DNAH8: variants seen among roughly 807,000 people sequenced by gnomAD.
The protein encoded by DNAH8 is dynein axonemal heavy chain 8, also known as axonemal beta dynein heavy chain 8.
A neutral mutation model predicts 562.1 loss-of-function variants in DNAH8; 382 were observed. That is an observed-to-expected ratio of 0.68 (90% CI 0.63 to 0.74). The LOEUF (loss-of-function observed/expected upper bound fraction) is 0.74. DNAH8 is among the 30% of genes least tolerant of loss of function. The probability of loss-of-function intolerance (pLI) is 0.00; values close to 1 mark genes in which losing one functional copy is unlikely to be tolerated. For synonymous variants in DNAH8, 1,881 were observed against 1,919.4 expected (o/e 0.98, Z 0.52); for missense variants, 5,203 against 5,620.4 (o/e 0.93, Z 2.37).
chr6:39,018,459 G>A (rs1228077994), intron 91 of DNAH8, among the ~76,000 whole-genome samples: 3 of 152,124 alleles, frequency 2.0e-5, no homozygotes, highest in African/African-American at 4.8e-5. Context: ...AGCTCACTTT[G>A]TGTGCTCTTC....
At position 38,747,353 on chromosome 6, in the gene DNAH8, G is replaced by A. The variant is rs1182043152; in HGVS notation, c.1294-3123G>A. Reference sequence around the variant, plus strand: ...CCCAAATGGCTGGCTAATTTTCTGGGCACTGTTTGTCATTTTCTTTTTTTC... The same window carrying A: ...CCCAAATGGCTGGCTAATTTTCTGGACACTGTTTGTCATTTTCTTTTTTTC... On this transcript the variant is annotated intron_variant, in intron 8 of 92. Transcript: ENST00000327475. 2.0e-5 allele frequency among the ~76,000 whole-genome samples: 3 copies of A among 150,914 alleles called. No individual in the cohort carries two copies. The East Asian group carries it at 5.8e-4, about 29-fold the overall frequency.
Position 38,857,799 on chromosome 6 carries a change from T to G in DNAH8, c.5958+57T>G, listed in dbSNP as rs1776321619. Reference sequence around the variant, plus strand: ...TAACTAATAATGAACAGCTAAGAATTGTATATGTTGCCTAACTTACATGAA... The same window carrying G: ...TAACTAATAATGAACAGCTAAGAATGGTATATGTTGCCTAACTTACATGAA... On this transcript the variant is annotated intron_variant, in intron 42 of 92. Coordinates refer to ENST00000327475, the MANE Select transcript of DNAH8 (RefSeq NM_001206927.2). The G allele has an allele frequency of 8.2e-6, 9 of 1,103,482 alleles. No homozygotes were observed. The Admixed American group carries it at 1.4e-4, about 17-fold the overall frequency. The allele number at this position is 1,103,482 out of a possible 1,614,324, so 68.4% of individuals were successfully genotyped here.
chr6:38,906,366 G>A lies in DNAH8; in HGVS notation c.9307G>A (p.Ala3103Thr). The change falls in exon 63 of 93, where the codon GCA becomes ACA. Residue 3103 changes from alanine to threonine, a missense_variant. Physicochemically the swap from Ala to Thr is moderately conservative, Grantham distance 58. Around this residue, in one of 6 missense-constraint regions of DNAH8, gnomAD observed 977 missense variants for 1,061.8 expected, o/e 0.92. Transcript: ENST00000327475. ...IFTDSEIKDE[A>T]FLEYLNNLLS... ...TACTGACAGTGAAATAAAAGATGAG[G>A]CATTTCTAGAATACCTTAACAACTT... The A allele has an allele frequency of 1.2e-6, 2 of 1,610,468 alleles. No individual in the cohort carries two copies. Among genetic ancestry groups the A allele is most frequent in the Non-Finnish European group, 1.7e-6 (2 of 1,178,478 alleles).
At chr6:38,735,054 G>A (rs933459767) in intron 5 of DNAH8, among the ~76,000 whole-genome samples, 2 of 152,158 alleles carry the variant, frequency 1.3e-5, no homozygotes, top group African/African-American at 4.8e-5. Context: ...CAGAGAGACC[G>A]AAATTTGCCT....
chr6:38,797,250 C>CG (rs1027405222), intron 21 of DNAH8, among the ~76,000 whole-genome samples: 1 of 151,910 alleles, frequency 6.6e-6, no homozygotes, highest in Non-Finnish European at 1.5e-5. Context: ...AAAAATTAGT[C>CG]GGGGGGCGGT....
At chr6:38,938,319 A>G in intron 78 of DNAH8, 93 bp downstream of exon 78, 2 of 1,432,932 alleles carry the variant, frequency 1.4e-6, no homozygotes, top group Non-Finnish European at 1.9e-6. Flanking sequence ...TATTCACAAT[A>G]GCAAAGACAT....
At chr6:38,914,392 C>CT (rs66765653) in intron 67 of DNAH8, among the ~76,000 whole-genome samples, 1,345 of 63,968 alleles carry the variant, frequency 0.021, 89 homozygotes, top group African/African-American at 0.048. Context: ...TGCTTTTTCT[C>CT]TTTTTTTTTT....
intron 58 of DNAH8, among the ~76,000 whole-genome samples, chr6:38,894,206 A>C (rs1170523064): frequency 1.3e-5 from 2 of 152,246 alleles, no homozygotes; most frequent in African/African-American, 2.4e-5. Context: ...AGATATATTT[A>C]TGGAAATCCT....
intron 88 of DNAH8, among the ~76,000 whole-genome samples, chr6:39,001,815 G>A (rs1438279756): frequency 6.6e-6 from 1 of 152,186 alleles, no homozygotes; most frequent in South Asian, 2.1e-4. Context: ...GAGGCAGGAG[G>A]ATGTGTTAGG....
Position 38,938,089 on chromosome 6 carries a change from G to A in DNAH8, c.11679G>A (p.Ala3893=), listed in dbSNP as rs757659186. 9.3e-6 allele frequency: 15 copies of A among 1,614,000 alleles called. No homozygotes were observed. Among genetic ancestry groups the A allele is most frequent in the East Asian group, 4.5e-5 (2 of 44,836 alleles). The change falls in exon 78 of 93, where the codon GCG becomes GCA. Residue 3893 remains alanine (A), a synonymous_variant. Coordinates refer to ENST00000327475, the MANE Select transcript of DNAH8 (RefSeq NM_001206927.2). Reference sequence around the variant, plus strand: ...CAGAAACTGAGATCAAGATCAACGCGGCTCAGGAGGAGTTCCGGCCCGCAG... The same window carrying A: ...CAGAAACTGAGATCAAGATCAACGCAGCTCAGGAGGAGTTCCGGCCCGCAG... ...VAAETEIKIN[A]AQEEFRPAAT...
chr6:38,823,620 C>A lies in DNAH8; in HGVS notation c.3779C>A (p.Ala1260Asp). Residue 1260 changes from alanine (A) to aspartate (D), a missense_variant, in exon 28 of 93, where the codon GCT (alanine) becomes GAT (aspartate). Physicochemically the swap from Ala to Asp is moderately radical, Grantham distance 126. Around this residue, in one of 6 missense-constraint regions of DNAH8, gnomAD observed 2,176 missense variants for 2,365.1 expected, o/e 0.92. Transcript: ENST00000327475. Reference protein sequence around the residue: ...TEIRSEILHYATFEQEIDELK... With the variant: ...TEIRSEILHYDTFEQEIDELK... Reference sequence around the variant, plus strand: ...ATCAGATCAGAAATTCTACACTATGCTACTTTTGAACAGGAGATTGATGAG... The same window carrying A: ...ATCAGATCAGAAATTCTACACTATGATACTTTTGAACAGGAGATTGATGAG... 1 of 1,609,066 alleles carries A rather than the reference C, an allele frequency of 6.2e-7. No individual in the cohort carries two copies. Among genetic ancestry groups the A allele is most frequent in the South Asian group, 1.1e-5 (1 of 90,860 alleles).
chr6:38,764,865 C>T (rs545366256), intron 11 of DNAH8, among the ~76,000 whole-genome samples: 12 of 151,530 alleles, frequency 7.9e-5, no homozygotes, highest in Admixed American at 2.0e-4. Context: ...GACGGAGTCT[C>T]GCTCTGTTGC....
intron 17 of DNAH8, among the ~76,000 whole-genome samples, chr6:38,786,041 C>T (rs1769129368): frequency 2.0e-5 from 3 of 152,150 alleles, no homozygotes; most frequent in Non-Finnish European, 4.4e-5. Context: ...TTCAAACTAG[C>T]ACATGCTTGT....
At chr6:38,972,982 T>C (rs1350786624) in intron 83 of DNAH8, among the ~76,000 whole-genome samples, 1 of 152,242 alleles carries the variant, frequency 6.6e-6, no homozygotes, top group Non-Finnish European at 1.5e-5. Flanking sequence ...CACTATTTTG[T>C]AGTTTTATGT....
intron 7 of DNAH8, among the ~76,000 whole-genome samples, chr6:38,740,573 G>T (rs755237820): frequency 6.6e-6 from 1 of 151,834 alleles, no homozygotes; most frequent in African/African-American, 2.4e-5. Flanking sequence ...AATTGCTCAC[G>T]TTTATTAATT....
Position 38,823,680 on chromosome 6 carries a change from T to A in DNAH8, c.3839T>A (p.Leu1280Ter). Reference sequence around the variant, plus strand: ...ATTATTGTTGTAGGAGCACTTGAATTACATACAGGTATTTTAAAAATGTTT... The same window carrying A: ...ATTATTGTTGTAGGAGCACTTGAATAACATACAGGTATTTTAAAAATGTTT... ...KPIIVVGALELHTEPMKLALS... is the reference protein window; with the variant it reads ...KPIIVVGALE Residue 1280 changes from leucine to a stop codon, truncating the protein, a stop_gained, in exon 28 of 93, where the codon TTA becomes TAA. Transcript: ENST00000327475. LOFTEE classifies it high-confidence loss of function. 1 of 1,591,928 alleles carries A rather than the reference T, an allele frequency of 6.3e-7. No homozygotes were observed. Among genetic ancestry groups the A allele is most frequent in the Admixed American group, 1.7e-5 (1 of 57,938 alleles).
intron 1 of DNAH8, 66 bp from the exon 2 acceptor site, chr6:38,722,710 G>A: frequency 7.8e-7 from 1 of 1,283,392 alleles, no homozygotes; most frequent in Non-Finnish European, 1.0e-6. Flanking sequence ...AGCTAAAAGG[G>A]GAGTAATAAA....
chr6:38,898,485 T>TCTTCTATACGGTACCTG, intron 61 of DNAH8, 105 bp downstream of exon 61: 1 of 929,644 alleles, frequency 1.1e-6, no homozygotes, highest in Non-Finnish European at 1.5e-6. Context: ...TCAGGTACCG[T>TCTTCTATACGGTACCTG]ATAGAAGACT....
In DNAH8 at chr6:38,923,187, T is replaced by C. The variant is rs1781852627; in HGVS notation, c.10790+2T>C. The C allele has an allele frequency of 1.4e-5, 23 of 1,612,106 alleles. No individual in the cohort carries two copies. The highest frequency in any genetic ancestry group is 2.7e-5 in the African/African-American group (2 of 74,728). ...AGAATTCAAAGCTCAGATTAATAGG[T>C]GGGAATCTGGGTCTTCTTCATAATC... is the stretch of plus-strand genomic sequence containing the variant. On this transcript the variant is annotated splice_donor_variant, in intron 72 of 92. Transcript: ENST00000327475. LOFTEE classifies it high-confidence loss of function.
Sources: allele counts gnomAD v4.1 joint callset (sites outside exome capture counted in the v4.1 genomes callset), GRCh38; gene constraint gnomAD v4.1.1; regional missense constraint gnomAD v4.1.1; transcripts MANE v1.5; gene names NCBI Gene and HGNC (gene_info 2026-07-23, HGNC 2026-07-21).